The following MOB3B variants were observed in gnomAD, a reference collection of about 807,000 sequenced individuals.
The protein encoded by MOB3B is MOB kinase activator-like 2B.
A neutral mutation model predicts 18.7 loss-of-function variants in MOB3B; 7 were observed. That is an observed-to-expected ratio of 0.37 (90% CI 0.21 to 0.70). The LOEUF (loss-of-function observed/expected upper bound fraction) is 0.70. Ranked by LOEUF, MOB3B falls within the 30% of genes least tolerant of loss-of-function variation. MOB3B has a pLI of 0.52. For missense variants in MOB3B, 253 were observed against 281.3 expected (o/e 0.90, Z 0.72); for synonymous variants, 111 against 99.9 (o/e 1.11, Z -0.66).
At chr9:27,378,244 T>C (rs541511024) in intron 2 of MOB3B, 6 of 416,932 alleles carry the variant, frequency 1.4e-5, no homozygotes, top group South Asian at 7.0e-5. Flanking sequence ...TCTTTGCTTC[T>C]AGACTGAAAA....
Position 27,417,242 on chromosome 9 carries a change from T to TA in MOB3B, c.418+37890dup, listed in dbSNP as rs1473881340. Among the ~76,000 whole-genome samples, 5 of 152,160 alleles carry TA rather than the reference T, an allele frequency of 3.3e-5. No homozygotes were observed. The East Asian group carries it at 9.7e-4, about 29-fold the overall frequency. On this transcript the variant is annotated intron_variant, in intron 2 of 3. Transcript: ENST00000262244. ...AGCCAGGCGTGGTGGCGGGCACCTG[T>TA]AGTCCCAGCAACTCGGGAGGCTGAG... is the stretch of plus-strand genomic sequence containing the variant.
chr9:27,444,402 G>A (rs1414989568), intron 2 of MOB3B, among the ~76,000 whole-genome samples: 1 of 152,072 alleles, frequency 6.6e-6, no homozygotes, highest in African/African-American at 2.4e-5. Flanking sequence ...AATGGAGCTC[G>A]GGTATTAGAA....
At chr9:27,443,672 G>A (rs569592994) in intron 2 of MOB3B, among the ~76,000 whole-genome samples, 7 of 152,210 alleles carry the variant, frequency 4.6e-5, no homozygotes, top group South Asian at 4.2e-4. Context: ...ACCCTGGACC[G>A]TCTTCTATTC....
chr9:27,357,710 C>T (rs1378176006), intron 3 of MOB3B, among the ~76,000 whole-genome samples: 1 of 151,622 alleles, frequency 6.6e-6, no homozygotes, highest in Non-Finnish European at 1.5e-5. Context: ...AACAAATTCT[C>T]TTTTCAATGA....
At chr9:27,369,916 C>T (rs1214268494) in intron 2 of MOB3B, among the ~76,000 whole-genome samples, 1 of 150,064 alleles carries the variant, frequency 6.7e-6, no homozygotes, top group African/African-American at 2.5e-5. Flanking sequence ...ACAATACTAC[C>T]ACATCAACTT....
intron 3 of MOB3B, among the ~76,000 whole-genome samples, chr9:27,357,293 G>C (rs879915785): frequency 6.7e-6 from 1 of 149,766 alleles, no homozygotes; most frequent in East Asian, 2.0e-4. Flanking sequence ...TTTGTGTTTC[G>C]ATTCTCTAAC....
intron 1 of MOB3B, among the ~76,000 whole-genome samples, chr9:27,487,819 T>C (rs547305205): frequency 1.3e-5 from 2 of 152,372 alleles, no homozygotes; most frequent in African/African-American, 2.4e-5. Context: ...TCTCTGCTTA[T>C]TGATTCTGCT....
rs567537772 is a variant in MOB3B at position 27,385,921 on chromosome 9, G to A, written c.419-26685C>T. ...CAAACTCAATGAAGGGTGCCTCCAG[G>A]CCTTGTGAAGAGAGGGAATGAAGAA... On this transcript the variant is annotated intron_variant, in intron 2 of 3. Transcript: ENST00000262244. 2.0e-5 allele frequency among the ~76,000 whole-genome samples: 3 copies of A among 152,336 alleles called. No homozygotes were observed. In the South Asian group the frequency reaches 6.2e-4, roughly 32 times the overall value.
intron 1 of MOB3B, among the ~76,000 whole-genome samples, chr9:27,472,252 C>G (rs1346915774): frequency 6.8e-6 from 1 of 148,124 alleles, no homozygotes; most frequent in African/African-American, 2.5e-5. Context: ...GTAAGGGTGA[C>G]ACCACTTTTC....
chr9:27,394,470 AAC>A (rs959031842), intron 2 of MOB3B, among the ~76,000 whole-genome samples: 2 of 152,234 alleles, frequency 1.3e-5, no homozygotes, highest in African/African-American at 4.8e-5. Flanking sequence ...AGAGTTCCAA[AAC>A]ACAGAACTAC....
At chr9:27,380,497 A>G (rs1821561379) in intron 2 of MOB3B, among the ~76,000 whole-genome samples, 1 of 152,130 alleles carries the variant, frequency 6.6e-6, no homozygotes, top group African/African-American at 2.4e-5. Flanking sequence ...TCGGCCTCCC[A>G]AAGTGCTGGG....
chr9:27,353,471 G>A (rs1441355172), intron 3 of MOB3B, among the ~76,000 whole-genome samples: 1 of 152,188 alleles, frequency 6.6e-6, no homozygotes, highest in African/African-American at 2.4e-5. Flanking sequence ...TATGGTCCAA[G>A]CACCCTGCTA....
At chr9:27,416,543 A>ATTT (rs1563863338) in intron 2 of MOB3B, among the ~76,000 whole-genome samples, 1 of 74,318 alleles carries the variant, frequency 1.3e-5, no homozygotes, top group Non-Finnish European at 2.7e-5. Flanking sequence ...ATTTCTTTTT[A>ATTT]ATTTTTTTTT....
intron 1 of MOB3B, among the ~76,000 whole-genome samples, chr9:27,519,936 G>C (rs57066488): frequency 0.012 from 1,842 of 151,990 alleles, 36 homozygotes; most frequent in African/African-American, 0.042. Flanking sequence ...ACAACCTTGT[G>C]ATGACCATCC....
intron 3 of MOB3B, among the ~76,000 whole-genome samples, chr9:27,352,223 A>T (rs922358170): frequency 3.3e-5 from 5 of 152,044 alleles, no homozygotes; most frequent in African/African-American, 1.2e-4. Flanking sequence ...TCTACAAAAA[A>T]TTTAAAAATT....
chr9:27,429,981 C>T (rs993362125), intron 2 of MOB3B, among the ~76,000 whole-genome samples: 3 of 152,168 alleles, frequency 2.0e-5, no homozygotes, highest in South Asian at 2.1e-4. Flanking sequence ...GCGAATGCAA[C>T]GAAGTTCTAT....
intron 2 of MOB3B, among the ~76,000 whole-genome samples, chr9:27,450,910 T>C (rs539296631): frequency 1.4e-4 from 22 of 152,328 alleles, no homozygotes; most frequent in Admixed American, 3.9e-4. Context: ...TTTAGCAGGC[T>C]CAATAGATGT....
chr9:27,359,153 G>A lies in MOB3B; in HGVS notation c.502C>T (p.His168Tyr). ...LFRVFVHVYI[H>Y]HFDRVIVMGA... is the part of the protein sequence containing the mutation. ...ATCACAATGACCCGGTCGAAGTGGT[G>A]GATATAGACGTGGACAAAGACCCGG... is the stretch of plus-strand genomic sequence containing the variant. Residue 168 changes from histidine to tyrosine, a missense_variant, in exon 3 of 4, where the codon CAC (histidine) becomes TAC (tyrosine). His to Tyr is a moderately conservative substitution (Grantham distance 83). Transcript: ENST00000262244. 6.2e-7 allele frequency: 1 copy of A among 1,614,090 alleles called. No individual in the cohort carries two copies. The highest frequency in any genetic ancestry group is 8.5e-7 in the Non-Finnish European group (1 of 1,180,016).
At chr9:27,511,480 C>T (rs952347445) in intron 1 of MOB3B, among the ~76,000 whole-genome samples, 5 of 152,304 alleles carry the variant, frequency 3.3e-5, no homozygotes, top group Admixed American at 2.6e-4. Context: ...TCAGCATCAG[C>T]TGCGGATGTT....
Sources: allele counts gnomAD v4.1 joint callset (sites outside exome capture counted in the v4.1 genomes callset), GRCh38; gene constraint gnomAD v4.1.1; transcripts MANE v1.5; gene names NCBI Gene and HGNC (gene_info 2026-07-23, HGNC 2026-07-21).